The following HTR5A variants were observed in gnomAD, a reference collection of about 807,000 sequenced individuals.
HTR5A encodes 5-HT-5.
Under a neutral mutation model 24.3 loss-of-function variants are expected in HTR5A, and 21 were observed. The ratio of observed to expected loss-of-function variants is 0.86; its 90% confidence interval spans 0.61 to 1.24. The LOEUF (loss-of-function observed/expected upper bound fraction) is 1.24. Ranked by LOEUF, HTR5A falls within the 50% of genes most tolerant of loss-of-function variation. The probability of loss-of-function intolerance (pLI) is 0.00; values close to 1 mark genes in which losing one functional copy is unlikely to be tolerated. For synonymous variants in HTR5A, 260 were observed against 213.7 expected, an observed-to-expected ratio of 1.22 and a Z score of -1.89; for missense variants, 497 against 489.5, an observed-to-expected ratio of 1.02 and a Z score of -0.15.
chr7:155,074,434 G>T (rs1373813041), intron 1 of HTR5A, among the ~76,000 whole-genome samples: 1 of 152,190 alleles, frequency 6.6e-6, no homozygotes, highest in Non-Finnish European at 1.5e-5. Flanking sequence ...CTTTTGGGAG[G>T]TATGGAGCCT....
At chr7:155,078,129 T>C (rs1193345092) in intron 1 of HTR5A, among the ~76,000 whole-genome samples, 1 of 152,160 alleles carries the variant, frequency 6.6e-6, no homozygotes, top group Non-Finnish European at 1.5e-5. Flanking sequence ...TATACAGGGA[T>C]CCTTATCTCA....
chr7:155,076,888 G>C (rs546199791), intron 1 of HTR5A, among the ~76,000 whole-genome samples: 1 of 152,204 alleles, frequency 6.6e-6, no homozygotes, highest in Non-Finnish European at 1.5e-5. Context: ...AAAGCCTCCA[G>C]GTTACTGAAC....
chr7:155,073,904 T>TGTGC (rs1563419715), intron 1 of HTR5A, among the ~76,000 whole-genome samples: 1 of 37,106 alleles, frequency 2.7e-5, no homozygotes, highest in Admixed American at 2.9e-4. Flanking sequence ...TATATATATA[T>TGTGC]ATATATATAT....
chr7:155,070,639 G>A lies in HTR5A; in HGVS notation c.-261G>A, dbSNP rs1258578528. ...GCCCTGGGCTCCTGACAGCTTAGGCGGGCCCTGGCTGCGACACGCAGCCCC... is the reference window on the plus strand; with the variant it reads ...GCCCTGGGCTCCTGACAGCTTAGGCAGGCCCTGGCTGCGACACGCAGCCCC... On this transcript the variant is annotated 5_prime_UTR_variant, in exon 1 of 2. Coordinates refer to ENST00000287907, the MANE Select transcript of HTR5A (RefSeq NM_024012.4). 4 of 520,758 alleles carry A rather than the reference G, an allele frequency of 7.7e-6. No individual in the cohort carries two copies. Among genetic ancestry groups the A allele is most frequent in the African/African-American group, 1.9e-5 (1 of 52,338 alleles). The allele number at this position is 520,758 out of a possible 1,614,324, so 32.3% of individuals were successfully genotyped here. A position where few individuals can be genotyped will look rare whatever the true frequency, so the allele number is the denominator to read the frequency against.
At chr7:155,077,842 C>T (rs1175860172) in intron 1 of HTR5A, among the ~76,000 whole-genome samples, 2 of 152,096 alleles carry the variant, frequency 1.3e-5, no homozygotes, top group East Asian at 3.8e-4. Context: ...GCTTTTCAGA[C>T]AACTTTAAAA....
At chr7:155,083,160 T>G (rs1795436442) in intron 1 of HTR5A, among the ~76,000 whole-genome samples, 1 of 152,230 alleles carries the variant, frequency 6.6e-6, no homozygotes, top group African/African-American at 2.4e-5. Context: ...TAGATTAACC[T>G]GACAATTCTT....
intron 1 of HTR5A, among the ~76,000 whole-genome samples, chr7:155,081,363 T>C (rs985172822): frequency 6.6e-6 from 1 of 152,200 alleles, no homozygotes; most frequent in African/African-American, 2.4e-5. Flanking sequence ...GATTTGTGAT[T>C]AACCAGTAAA....
rs1168421876 is a variant in HTR5A at position 155,086,851 on chromosome 7, T to C, written c.*2364T>C. On this transcript the variant is annotated 3_prime_UTR_variant, in exon 2 of 2. Coordinates refer to ENST00000287907, the MANE Select transcript of HTR5A (RefSeq NM_024012.4). ...TATTTTATCAGGTTAGAAATTTATA[T>C]GAATCATAAACAGAAGTAATTGCTC... Among the ~76,000 whole-genome samples, 1 of 152,230 alleles carries C rather than the reference T, an allele frequency of 6.6e-6. No individual in the cohort carries two copies. The highest frequency in any genetic ancestry group is 2.4e-5 in the African/African-American group (1 of 41,460).
At chr7:155,075,914 A>C (rs552387746) in intron 1 of HTR5A, among the ~76,000 whole-genome samples, 1 of 152,268 alleles carries the variant, frequency 6.6e-6, no homozygotes, top group East Asian at 1.9e-4. Flanking sequence ...GCCTTCTCTG[A>C]GAGAGTTTTG....
chr7:155,082,328 G>C (rs1322586435), intron 1 of HTR5A, among the ~76,000 whole-genome samples: 1 of 150,280 alleles, frequency 6.7e-6, no homozygotes, highest in Non-Finnish European at 1.5e-5. Flanking sequence ...TGGCATCCAT[G>C]GTGTCATCAG....
In HTR5A at chr7:155,086,568, A is replaced by C. The variant is rs1241168355; in HGVS notation, c.*2081A>C. Among the ~76,000 whole-genome samples, 1 of 152,214 alleles carries C rather than the reference A, an allele frequency of 6.6e-6. No homozygotes were observed. The highest frequency in any genetic ancestry group is 1.5e-5 in the Non-Finnish European group (1 of 68,036). ...ATGGATAAGCCTCATTATTCTTATC[A>C]CTCAATATGTATTTAACACCTCTCA... On this transcript the variant is annotated 3_prime_UTR_variant, in exon 2 of 2. Transcript: ENST00000287907.
At chr7:155,079,631 G>T (rs900766651) in intron 1 of HTR5A, among the ~76,000 whole-genome samples, 1 of 152,142 alleles carries the variant, frequency 6.6e-6, no homozygotes, top group Non-Finnish European at 1.5e-5. Flanking sequence ...AAAAAGTTTG[G>T]CATTTGTGAA....
intron 1 of HTR5A, 105 bp from the exon 2 acceptor site, chr7:155,084,049 CT>C: frequency 1.1e-6 from 1 of 906,278 alleles, no homozygotes; most frequent in Non-Finnish European, 1.6e-6. Flanking sequence ...CCATCGAAGA[CT>C]TTCCCTTGAG....
At chr7:155,077,695 C>T (rs562889219) in intron 1 of HTR5A, among the ~76,000 whole-genome samples, 4 of 152,224 alleles carry the variant, frequency 2.6e-5, no homozygotes, top group South Asian at 2.1e-4. Context: ...GAACTCCTGA[C>T]CTCAGGTGAT....
chr7:155,081,422 T>C (rs1307369662), intron 1 of HTR5A, among the ~76,000 whole-genome samples: 1 of 152,156 alleles, frequency 6.6e-6, no homozygotes, highest in East Asian at 1.9e-4. Flanking sequence ...CTCTAACACA[T>C]ATGTACCTGT....
intron 1 of HTR5A, among the ~76,000 whole-genome samples, chr7:155,074,112 C>T (rs1795335291): frequency 6.6e-6 from 1 of 151,758 alleles, no homozygotes; most frequent in Non-Finnish European, 1.5e-5. Context: ...GAGTGGGTGT[C>T]AAAGTTTCTA....
rs556492030 is a variant in HTR5A at position 155,073,091 on chromosome 7, C to A, written c.741+1451C>A. Among the ~76,000 whole-genome samples, 3 of 152,050 alleles carry A rather than the reference C, an allele frequency of 2.0e-5. No homozygotes were observed. In the East Asian group the frequency reaches 5.8e-4, roughly 30 times the overall value. On this transcript the variant is annotated intron_variant, in intron 1 of 1. Transcript: ENST00000287907. ...ATCCCAGCACTTTGGGAGGCCGAGG[C>A]GGGCAGATCACAAGGTCAGGAGATC...
At chr7:155,072,071 G>T (rs1795303910) in intron 1 of HTR5A, among the ~76,000 whole-genome samples, 1 of 152,190 alleles carries the variant, frequency 6.6e-6, no homozygotes, top group African/African-American at 2.4e-5. Flanking sequence ...GCAGGGATGG[G>T]AGCATGATTT....
intron 1 of HTR5A, among the ~76,000 whole-genome samples, chr7:155,073,653 G>A (rs1283852739): frequency 2.0e-5 from 3 of 151,690 alleles, no homozygotes; most frequent in Non-Finnish European, 4.4e-5. Flanking sequence ...CCTCTCCCCT[G>A]ATGTTTATTC....
Sources: gnomAD v4.1 joint callset for allele counts (sites outside exome capture counted in the v4.1 genomes callset) on GRCh38, gnomAD v4.1.1 for gene constraint, MANE v1.5 for transcripts, NCBI Gene and HGNC (gene_info 2026-07-23, HGNC 2026-07-21) for gene names.